The following MGAT5 variants were observed in gnomAD, a reference collection of about 807,000 sequenced individuals.
The protein encoded by MGAT5 is alpha-1,6-mannosylglycoprotein 6-beta-N-acetylglucosaminyltransferase, also known as alpha-1,6-mannosylglycoprotein 6-beta-N-acetylglucosaminyltransferase A.
In MGAT5, 30 loss-of-function variants were observed where a neutral mutation model predicts 94.3. The observed-to-expected ratio is 0.32, with a 90% confidence interval of 0.24 to 0.43. MGAT5 has a LOEUF of 0.43. Among genes scored for constraint, MGAT5 ranks in the 20% least tolerant of loss-of-function variants. The probability of loss-of-function intolerance (pLI) is 1.00; values close to 1 mark genes in which losing one functional copy is unlikely to be tolerated. For synonymous variants in MGAT5, 310 were observed against 322.9 expected (o/e 0.96, Z 0.43); for missense variants, 691 against 905.5 (o/e 0.76, Z 3.04).
intron 2 of MGAT5, among the ~76,000 whole-genome samples, chr2:134,281,357 C>T (rs1050000066): frequency 2.6e-5 from 4 of 152,248 alleles, no homozygotes; most frequent in East Asian, 3.9e-4. Flanking sequence ...TGTCAGGCAT[C>T]GGAAATGCAG....
In MGAT5 at chr2:134,332,876, C is replaced by T. The variant is rs1170855140; in HGVS notation, c.574-3341C>T. On this transcript the variant is annotated intron_variant, in intron 4 of 15. Transcript: ENST00000281923. ...CCATCAGAGAAATGCAAATCAAAAC[C>T]ACAATGAGATACCATCTCCTACCAG... Among the ~76,000 whole-genome samples, 3 of 152,060 alleles carry T rather than the reference C, an allele frequency of 2.0e-5. No homozygotes were observed. In the South Asian group the frequency reaches 6.2e-4, roughly 31 times the overall value.
intron 1 of MGAT5, chr2:134,120,307 T>C: frequency 2.6e-6 from 1 of 391,080 alleles, no homozygotes; most frequent in African/African-American, 2.1e-5. Context: ...AGCTGCCGGA[T>C]CCGGGTGATC....
At chr2:134,398,614 G>A (rs1423707502) in intron 10 of MGAT5, among the ~76,000 whole-genome samples, 1 of 152,176 alleles carries the variant, frequency 6.6e-6, no homozygotes, top group African/African-American at 2.4e-5. Flanking sequence ...GGAGATCAAA[G>A]AGATATCCGC....
chr2:134,289,351 C>T (rs1200688011), intron 2 of MGAT5, among the ~76,000 whole-genome samples: 3 of 152,174 alleles, frequency 2.0e-5, no homozygotes, highest in African/African-American at 7.2e-5. Flanking sequence ...GTGGCCCTTC[C>T]TAAGTCCTTG....
chr2:134,175,277 C>T (rs963585163), intron 1 of MGAT5, among the ~76,000 whole-genome samples: 2 of 152,210 alleles, frequency 1.3e-5, no homozygotes, highest in African/African-American at 2.4e-5. Flanking sequence ...AGGGCAGGCT[C>T]TTATGTACCT....
chr2:134,369,059 G>T (rs764496168), intron 10 of MGAT5, among the ~76,000 whole-genome samples: 1 of 151,862 alleles, frequency 6.6e-6, no homozygotes, highest in Non-Finnish European at 1.5e-5. Flanking sequence ...TTCCTTACTA[G>T]ACTATATGCT....
chr2:134,256,774 G>T (rs1682989287), intron 1 of MGAT5, among the ~76,000 whole-genome samples: 1 of 152,148 alleles, frequency 6.6e-6, no homozygotes, highest in Admixed American at 6.5e-5. Flanking sequence ...AAAATAATTT[G>T]TCTTTTTCTC....
At chr2:134,186,339 C>A (rs1340212223) in intron 1 of MGAT5, among the ~76,000 whole-genome samples, 1 of 151,272 alleles carries the variant, frequency 6.6e-6, no homozygotes, top group African/African-American at 2.4e-5. Flanking sequence ...ACTGAGCAGC[C>A]AGAGGGGATA....
At position 134,254,146 on chromosome 2, in the gene MGAT5, C is replaced by A. The variant is rs1682787753; in HGVS notation, c.-258C>A. On this transcript the variant is annotated 5_prime_UTR_variant, in exon 1 of 16. Coordinates refer to ENST00000281923, the MANE Select transcript of MGAT5 (RefSeq NM_002410.5). ...GTTCCTGAATCATAAGATATTGAACCAGCAAATTTAAGAGTTGACATTTTA... is the reference window on the plus strand; with the variant it reads ...GTTCCTGAATCATAAGATATTGAACAAGCAAATTTAAGAGTTGACATTTTA... The A allele has an allele frequency of 3.5e-6, 2 of 579,350 alleles. No homozygotes were observed. Among genetic ancestry groups the A allele is most frequent in the South Asian group, 2.3e-5 (1 of 44,424 alleles). 35.9% of individuals were successfully genotyped at this position (579,350 alleles called of 1,614,324 possible).
At chr2:134,242,425 G>C (rs138717714) in intron 1 of MGAT5, among the ~76,000 whole-genome samples, 1 of 152,306 alleles carries the variant, frequency 6.6e-6, no homozygotes, top group East Asian at 1.9e-4. Context: ...TGTGTCAGTA[G>C]GATGTACATC....
intron 1 of MGAT5, among the ~76,000 whole-genome samples, chr2:134,120,934 C>T (rs996923729): frequency 6.6e-6 from 1 of 152,012 alleles, no homozygotes; most frequent in African/African-American, 2.4e-5. Flanking sequence ...CGCCGGCGCG[C>T]TCAGCCCTGC....
At chr2:134,379,761 G>A (rs1474255486) in intron 10 of MGAT5, among the ~76,000 whole-genome samples, 1 of 152,246 alleles carries the variant, frequency 6.6e-6, no homozygotes, top group Non-Finnish European at 1.5e-5. Flanking sequence ...ACGTTTGGAT[G>A]GAAGTCAGCC....
chr2:134,147,436 T>A (rs547301781), intron 1 of MGAT5, among the ~76,000 whole-genome samples: 16 of 152,246 alleles, frequency 1.1e-4, no homozygotes, highest in Non-Finnish European at 2.4e-4. Flanking sequence ...GTGATGGATG[T>A]CTTGAGGCAG....
chr2:134,225,123 A>G (rs1020050988), intron 1 of MGAT5, among the ~76,000 whole-genome samples: 12 of 149,554 alleles, frequency 8.0e-5, no homozygotes, highest in South Asian at 2.1e-4. Context: ...ATCGGGGGGG[A>G]ATTTCCAATC....
Position 134,454,312 on chromosome 2 carries a change from C to G in MGAT5, c.*5465C>G, listed in dbSNP as rs768541032. The G allele has an allele frequency of 1.4e-4, 21 of 152,274 alleles. No homozygotes were observed. The highest frequency in any genetic ancestry group is 2.6e-4 in the Non-Finnish European group (18 of 68,054). The allele number at this position is 152,274 out of a possible 1,614,324, so 9.4% of individuals were successfully genotyped here. On this transcript the variant is annotated 3_prime_UTR_variant, in exon 16 of 16. Coordinates refer to ENST00000281923, the MANE Select transcript of MGAT5 (RefSeq NM_002410.5). Reference sequence around the variant, plus strand: ...GAGCGAACTTGGGAAGCATTTTGCTCATTGTCCTACCCAAGTATTAATAGC... The same window carrying G: ...GAGCGAACTTGGGAAGCATTTTGCTGATTGTCCTACCCAAGTATTAATAGC...
rs939485580 is a variant in MGAT5 at position 134,451,816 on chromosome 2, G to C, written c.*2969G>C. On this transcript the variant is annotated 3_prime_UTR_variant, in exon 16 of 16. Transcript: ENST00000281923. ...AGGTAGATACTTTGAGGAGTAAAAA[G>C]ACTTCTTTGAATGCTGGTAAACACC... is the stretch of plus-strand genomic sequence containing the variant. The C allele has an allele frequency of 1.3e-5, 2 of 152,210 alleles. No individual in the cohort carries two copies. The highest frequency in any genetic ancestry group is 4.8e-5 in the African/African-American group (2 of 41,466). The allele number at this position is 152,210 out of a possible 1,614,324, so 9.4% of individuals were successfully genotyped here. A position where few individuals can be genotyped will look rare whatever the true frequency, so the allele number is the denominator to read the frequency against.
Position 134,271,798 on chromosome 2 carries a change from C to T in MGAT5, c.406+1248C>T, listed in dbSNP as rs1261566562. On this transcript the variant is annotated intron_variant, in intron 2 of 15. Coordinates refer to ENST00000281923, the MANE Select transcript of MGAT5 (RefSeq NM_002410.5). ...TAAATCCTGTCTTCCTTGCAGTTTC[C>T]AACAGCTTCTGTAATTAGACAAGAG... Among the ~76,000 whole-genome samples the T allele has an allele frequency of 2.0e-5, 3 of 152,182 alleles. No individual in the cohort carries two copies. In the East Asian group the frequency reaches 5.8e-4, roughly 29 times the overall value.
chr2:134,232,402 CT>C (rs1681416011), intron 1 of MGAT5, among the ~76,000 whole-genome samples: 2 of 152,142 alleles, frequency 1.3e-5, no homozygotes, highest in African/African-American at 4.8e-5. Flanking sequence ...AACCAGAACC[CT>C]TTTCAAAGTA....
chr2:134,264,095 T>A (rs1159571776), intron 1 of MGAT5, among the ~76,000 whole-genome samples: 1 of 146,476 alleles, frequency 6.8e-6, no homozygotes, highest in Non-Finnish European at 1.5e-5. Flanking sequence ...CGATCTCGGC[T>A]CGCCGCAATC....
Sources: gnomAD v4.1 joint callset for allele counts (sites outside exome capture counted in the v4.1 genomes callset) on GRCh38, gnomAD v4.1.1 for gene constraint, MANE v1.5 for transcripts, NCBI Gene and HGNC (gene_info 2026-07-23, HGNC 2026-07-21) for gene names.